The following MYO16 variants were observed in gnomAD, a reference collection of about 807,000 sequenced individuals.
MYO16 encodes the protein unconventional myosin-XVI.
In MYO16, 94 loss-of-function variants were observed where a neutral mutation model predicts 205.3. That is an observed-to-expected ratio of 0.46 (90% confidence interval 0.39 to 0.54). The LOEUF (loss-of-function observed/expected upper bound fraction) is 0.54. MYO16 is among the 20% of genes least tolerant of loss of function. The probability of loss-of-function intolerance (pLI) is 0.00; values close to 1 mark genes in which losing one functional copy is unlikely to be tolerated. For synonymous variants in MYO16, 988 were observed against 954.0 expected, an observed-to-expected ratio of 1.04 and a Z score of -0.66; for missense variants, 2,315 against 2,387.5, an observed-to-expected ratio of 0.97 and a Z score of 0.63.
intron 27 of MYO16, among the ~76,000 whole-genome samples, chr13:109,071,957 A>G (rs902619043): frequency 6.6e-6 from 1 of 152,208 alleles, no homozygotes; most frequent in Admixed American, 6.5e-5. Context: ...GAAAAACTTC[A>G]GCACTGAATT....
chr13:108,812,209 G>A (rs1433588187), intron 7 of MYO16, among the ~76,000 whole-genome samples: 1 of 151,970 alleles, frequency 6.6e-6, no homozygotes, highest in Non-Finnish European at 1.5e-5. Context: ...TTCCTCTCCT[G>A]TCCCTGTACA....
intron 20 of MYO16, among the ~76,000 whole-genome samples, chr13:108,972,426 A>C (rs1238007643): frequency 3.2e-4 from 32 of 101,092 alleles, no homozygotes; most frequent in African/African-American, 1.1e-3. Context: ...ATCTTAGTTT[A>C]TATTAGCTTA....
chr13:109,189,741 C>G (rs984648069), intron 34 of MYO16, among the ~76,000 whole-genome samples: 5 of 152,200 alleles, frequency 3.3e-5, no homozygotes, highest in Admixed American at 1.3e-4. Context: ...TTCTGTTGCT[C>G]TCCTTCATTT....
At chr13:108,496,981 C>T in the MYO16 span, among the ~76,000 whole-genome samples, 3 of 152,204 alleles carry the variant, frequency 2.0e-5, no homozygotes, top group Non-Finnish European at 2.9e-5. Flanking sequence ...GAATCTCATG[C>T]GGTCTCTGGA....
Position 108,881,640 on chromosome 13 carries a change from G to A in MYO16, c.1426-1419G>A, listed in dbSNP as rs1476213160. The stretch of plus-strand genomic sequence containing the variant: ...CTGAAAACCATGGCACGAGAACTAC[G>A]TGACTCATGCACAAGCTTCAGTAGC... On this transcript the variant is annotated intron_variant, in intron 12 of 34. Coordinates refer to ENST00000457511, the MANE Select transcript of MYO16 (RefSeq NM_001198950.3). Among the ~76,000 whole-genome samples the A allele has an allele frequency of 3.3e-5, 5 of 152,154 alleles. No homozygotes were observed. In the East Asian group the frequency reaches 5.8e-4, roughly 18 times the overall value.
At chr13:109,057,958 T>A (rs1007851132) in intron 27 of MYO16, among the ~76,000 whole-genome samples, 17 of 152,086 alleles carry the variant, frequency 1.1e-4, no homozygotes, top group African/African-American at 4.1e-4. Flanking sequence ...TGTTTAACTG[T>A]AGTAACTCCC....
At chr13:108,746,180 G>T (rs553744632) in intron 4 of MYO16, among the ~76,000 whole-genome samples, 4 of 152,088 alleles carry the variant, frequency 2.6e-5, no homozygotes, top group African/African-American at 9.6e-5. Context: ...GCTACGGAGC[G>T]AGACTCCATC....
At chr13:109,014,994 A>C (rs1052757930) in intron 22 of MYO16, among the ~76,000 whole-genome samples, 4 of 152,108 alleles carry the variant, frequency 2.6e-5, no homozygotes, top group Non-Finnish European at 4.4e-5. Flanking sequence ...ACTTCCAACA[A>C]TATGTTGAAT....
chr13:108,578,289 G>A, the MYO16 span, among the ~76,000 whole-genome samples: 1 of 152,188 alleles, frequency 6.6e-6, no homozygotes, highest in Non-Finnish European at 1.5e-5. Flanking sequence ...TACTAAAAAT[G>A]TTATGTAAAC....
intron 3 of MYO16, among the ~76,000 whole-genome samples, chr13:108,723,855 A>C (rs907647641): frequency 1.3e-5 from 2 of 152,146 alleles, no homozygotes; most frequent in African/African-American, 4.8e-5. Context: ...ATATCTATAA[A>C]AAAAAACCCT....
chr13:108,928,758 G>A (rs915381939), intron 16 of MYO16, among the ~76,000 whole-genome samples: 1 of 152,138 alleles, frequency 6.6e-6, no homozygotes, highest in Non-Finnish European at 1.5e-5. Flanking sequence ...ATGCCTAAAA[G>A]TAAAATAATG....
chr13:108,971,475 G>A (rs182005539), intron 20 of MYO16, among the ~76,000 whole-genome samples: 1 of 150,620 alleles, frequency 6.6e-6, no homozygotes, highest in Admixed American at 6.6e-5. Context: ...CCTATAGAGG[G>A]TTATTTGAGT....
chr13:109,165,911 T>C (rs999291739), intron 33 of MYO16, among the ~76,000 whole-genome samples: 2 of 150,726 alleles, frequency 1.3e-5, no homozygotes, highest in Non-Finnish European at 3.0e-5. Context: ...AGAGTCAGAG[T>C]GAACCAGAAC....
intron 12 of MYO16, among the ~76,000 whole-genome samples, chr13:108,870,288 G>A (rs185946232): frequency 1.3e-5 from 2 of 151,328 alleles, no homozygotes; most frequent in East Asian, 1.9e-4. Context: ...TATTACTGAC[G>A]TCTATTAAAT....
chr13:109,014,927 C>T (rs1885748833), intron 22 of MYO16, among the ~76,000 whole-genome samples: 1 of 152,182 alleles, frequency 6.6e-6, no homozygotes, highest in Non-Finnish European at 1.5e-5. Context: ...CTTTGACTTC[C>T]TCTTTTCCTA....
the MYO16 span, among the ~76,000 whole-genome samples, chr13:108,568,980 G>A: frequency 6.6e-6 from 1 of 151,774 alleles, no homozygotes; most frequent in Non-Finnish European, 1.5e-5. Context: ...GACCATAAAT[G>A]TGTTTATTTT....
intron 1 of MYO16, among the ~76,000 whole-genome samples, chr13:108,605,868 G>C (rs1206078103): frequency 1.3e-5 from 2 of 152,178 alleles, no homozygotes; most frequent in Non-Finnish European, 2.9e-5. Context: ...TGAGGGCTCA[G>C]AAAAATACTG....
chr13:109,183,743 C>A (rs1879556288), intron 34 of MYO16, among the ~76,000 whole-genome samples: 1 of 152,232 alleles, frequency 6.6e-6, no homozygotes, highest in Non-Finnish European at 1.5e-5. Context: ...GCATATTGAT[C>A]ATATTCAGGT....
At chr13:108,645,852 G>T (rs902132624) in intron 1 of MYO16, among the ~76,000 whole-genome samples, 4 of 152,066 alleles carry the variant, frequency 2.6e-5, no homozygotes, top group Non-Finnish European at 5.9e-5. Flanking sequence ...AAGACTTGAC[G>T]CTGGATCCAC....
Sources: allele counts gnomAD v4.1 joint callset (sites outside exome capture counted in the v4.1 genomes callset), GRCh38; gene constraint gnomAD v4.1.1; transcripts MANE v1.5; gene names NCBI Gene and HGNC (gene_info 2026-07-23, HGNC 2026-07-21).